Variants in ARHGAP6 observed in about 807,000 individuals in gnomAD.
ARHGAP6 encodes Rho GTPase activating protein 6.
ARHGAP6 carries 16 observed loss-of-function variants against 55.7 expected under a neutral mutation model. The observed-to-expected ratio is 0.29, with a 90% CI of 0.19 to 0.44. The LOEUF is 0.44. ARHGAP6 is among the 20% of genes least tolerant of loss of function. ARHGAP6 has a pLI of 1.00. For synonymous variants in ARHGAP6, 382 were observed against 360.9 expected, an observed-to-expected ratio of 1.06 and a Z score of -0.66; for missense variants, 698 against 808.9, an observed-to-expected ratio of 0.86 and a Z score of 1.66.
chrX:11,182,825 A>T (rs745830706), intron 5 of ARHGAP6, among the ~76,000 whole-genome samples: 6 of 109,038 alleles, frequency 5.5e-5, no homozygotes, highest in African/African-American at 2.0e-4. Flanking sequence ...CTGGAGAGAC[A>T]GGGTTTTGCC....
intron 1 of ARHGAP6, among the ~76,000 whole-genome samples, chrX:11,369,731 T>C (rs2049123349): frequency 8.9e-6 from 1 of 112,398 alleles, no homozygotes; most frequent in Admixed American, 9.5e-5. Flanking sequence ...ATCACAGTTA[T>C]CAAGTGTAGT....
intron 2 of ARHGAP6, among the ~76,000 whole-genome samples, chrX:11,239,639 T>A (rs2047247863): frequency 9.0e-6 from 1 of 111,708 alleles, no homozygotes; most frequent in Non-Finnish European, 1.9e-5. Context: ...ATTCTAAATC[T>A]TAGGTTCTCT....
intron 1 of ARHGAP6, among the ~76,000 whole-genome samples, chrX:11,425,843 C>G (rs1424189078): frequency 9.0e-6 from 1 of 111,627 alleles, no homozygotes; most frequent in African/African-American, 3.3e-5. Flanking sequence ...CTCCCCCACC[C>G]GCACTCTTGC....
At chrX:11,512,684 G>C (rs2050796719) in intron 1 of ARHGAP6, among the ~76,000 whole-genome samples, 1 of 111,268 alleles carries the variant, frequency 9.0e-6, no homozygotes, top group East Asian at 2.8e-4. Flanking sequence ...GAATCTGATG[G>C]AAGATTAGAA....
At chrX:11,255,068 T>A (rs2047475084) in intron 1 of ARHGAP6, among the ~76,000 whole-genome samples, 1 of 111,579 alleles carries the variant, frequency 9.0e-6, no homozygotes, top group Non-Finnish European at 1.9e-5. Context: ...ATCACACACA[T>A]CAGATATAGG....
intron 10 of ARHGAP6, among the ~76,000 whole-genome samples, chrX:11,151,234 A>G (rs1240871115): frequency 9.1e-6 from 1 of 109,333 alleles, no homozygotes; most frequent in Non-Finnish European, 1.9e-5. Context: ...ACAAGTATAT[A>G]TTTTTAAAAA....
At position 11,156,349 on chromosome X, in the gene ARHGAP6, G is replaced by C. The variant is rs766002417; in HGVS notation, c.1907+180C>G. ...TGTAATGTGGTTTCTAATTTGGTAA[G>C]TGGATTGATGGGACCCGAAGCATTT... On this transcript the variant is annotated intron_variant, in intron 10 of 12. Transcript: ENST00000337414. Among the ~76,000 whole-genome samples the C allele has an allele frequency of 2.7e-5, 3 of 112,653 alleles. No homozygotes were observed. The South Asian group carries it at 1.1e-3, about 41-fold the overall frequency.
intron 2 of ARHGAP6, among the ~76,000 whole-genome samples, chrX:11,222,758 T>G (rs1032570911): frequency 8.9e-6 from 1 of 112,274 alleles, no homozygotes; most frequent in Admixed American, 9.5e-5. Context: ...TTTGATGGTC[T>G]TACTTTTATG....
intron 1 of ARHGAP6, among the ~76,000 whole-genome samples, chrX:11,274,842 CAT>C (rs753722110): frequency 9.0e-6 from 1 of 111,326 alleles, no homozygotes; most frequent in Middle Eastern, 4.2e-3. Context: ...CCAGGAACCA[CAT>C]GTTTTTAAAA....
At chrX:11,174,627 C>T (rs1431390953) in intron 8 of ARHGAP6, among the ~76,000 whole-genome samples, 2 of 10,730 alleles carry the variant, frequency 1.9e-4, no homozygotes, top group South Asian at 5.5e-3. Flanking sequence ...TCTTTCTTTT[C>T]TTTCTTTCTT....
chrX:11,210,882 AAAAAC>A (rs779507963), intron 2 of ARHGAP6, among the ~76,000 whole-genome samples: 151 of 112,320 alleles, frequency 1.3e-3, no homozygotes, highest in African/African-American at 4.7e-3. Context: ...TATTATTATG[AAAAAC>A]AAAACAAAAC....
intron 1 of ARHGAP6, among the ~76,000 whole-genome samples, chrX:11,524,677 C>A (rs777442592): frequency 9.0e-6 from 1 of 111,215 alleles, no homozygotes; most frequent in Admixed American, 9.6e-5. Flanking sequence ...CACCAGGGAG[C>A]GGTTTCATAG....
At position 11,142,269 on chromosome X, in the gene ARHGAP6, T is replaced by C. The variant is rs770210109; in HGVS notation, c.2221A>G (p.Thr741Ala). The part of the protein sequence containing the change: ...PFDIWGTWHS[T>A]LKSGSKDPGM... ...GGGTCTTTGGATCCGCTTTTTAATG[T>C]TGAATGCCAAGTTCCCCAGATATCG... The change falls in exon 12 of 13, where the codon ACA (threonine) becomes GCA (alanine). Residue 741 changes from threonine to alanine, a missense_variant. This residue lies in a region of ARHGAP6 where 322 missense variants were observed against 451.1 expected (regional missense o/e 0.71). Transcript: ENST00000337414. 14 of 1,203,813 alleles carry C rather than the reference T, an allele frequency of 1.2e-5. 1 individual carries two copies. The Admixed American group carries it at 2.2e-4, about 19-fold the overall frequency.
At chrX:11,303,458 C>T (rs759621010) in intron 1 of ARHGAP6, among the ~76,000 whole-genome samples, 23 of 111,631 alleles carry the variant, frequency 2.1e-4, no homozygotes, top group African/African-American at 7.2e-4. Context: ...CATTTGGGTT[C>T]GAAACATTTA....
At chrX:11,285,204 T>C (rs189617206) in intron 1 of ARHGAP6, among the ~76,000 whole-genome samples, 34 of 106,330 alleles carry the variant, frequency 3.2e-4, no homozygotes, top group African/African-American at 1.1e-3. Context: ...TCTTACTCAA[T>C]TTTACAGCCG....
chrX:11,240,528 C>G (rs1293453552), intron 2 of ARHGAP6, among the ~76,000 whole-genome samples: 1 of 111,693 alleles, frequency 9.0e-6, no homozygotes, highest in Middle Eastern at 4.2e-3. Context: ...TACCATAGAA[C>G]ATGATGACTA....
In ARHGAP6 at chrX:11,665,153, C is replaced by T; in HGVS notation, c.-325G>A. 1 of 208,214 alleles carries T rather than the reference C, an allele frequency of 4.8e-6. No individual in the cohort carries two copies. 17.2% of individuals were successfully genotyped at this position (208,214 alleles called of 1,213,427 possible). On this transcript the variant is annotated 5_prime_UTR_variant, in exon 1 of 13. Transcript: ENST00000337414. ...GGAAGGTCAGGCGCTCGCTGGGTTC[C>T]CAGCTCCAGCCTGCCAGCGCCACTC...
intron 4 of ARHGAP6, among the ~76,000 whole-genome samples, chrX:11,188,173 G>T (rs2046410108): frequency 8.9e-6 from 1 of 112,213 alleles, no homozygotes; most frequent in Non-Finnish European, 1.9e-5. Flanking sequence ...TCAAATAATA[G>T]CACAGTACCT....
chrX:11,383,207 G>A (rs760704355), intron 1 of ARHGAP6, among the ~76,000 whole-genome samples: 1 of 111,473 alleles, frequency 9.0e-6, no homozygotes, highest in Admixed American at 9.5e-5. Context: ...AGGAGTGGGA[G>A]TTCCACAAAT....
Sources: gnomAD v4.1 joint callset for allele counts (sites outside exome capture counted in the v4.1 genomes callset) on GRCh38, gnomAD v4.1.1 for gene constraint, gnomAD v4.1.1 regional missense constraint, MANE v1.5 for transcripts, NCBI Gene and HGNC (gene_info 2026-07-23, HGNC 2026-07-21) for gene names.